Variants in GPC5 observed in about 807,000 individuals in gnomAD.
GPC5 encodes glypican 5.
GPC5 carries 47 observed loss-of-function variants against 53.9 expected under a neutral mutation model. That is an observed-to-expected ratio of 0.87 (90% confidence interval 0.69 to 1.11). The LOEUF (loss-of-function observed/expected upper bound fraction) is 1.11. GPC5 is among the 50% of genes most tolerant of loss of function. The pLI is 0.00. For synonymous variants in GPC5, 286 were observed against 263.3 expected (o/e 1.09, Z -0.84); for missense variants, 748 against 713.1 (o/e 1.05, Z -0.56).
chr13:92,390,431 A>G (rs1487087184), intron 7 of GPC5, among the ~76,000 whole-genome samples: 2 of 152,108 alleles, frequency 1.3e-5, no homozygotes, highest in African/African-American at 4.8e-5. Flanking sequence ...TACAAAGATA[A>G]ACAATGAACC....
At chr13:91,950,288 T>C (rs900990704) in intron 6 of GPC5, among the ~76,000 whole-genome samples, 2 of 136,616 alleles carry the variant, frequency 1.5e-5, no homozygotes, top group African/African-American at 5.2e-5. Context: ...TTTTTTTTCA[T>C]GAATTAGCAT....
At position 92,866,385 on chromosome 13, in the gene GPC5, A is replaced by T; in HGVS notation, c.1665A>T (p.Glu555Asp). ...GAGCAGGATGTGCAGTGGCGACTGAATCTATGACATTCACTCTGATAAGTG... is the reference window on the plus strand; with the variant it reads ...GAGCAGGATGTGCAGTGGCGACTGATTCTATGACATTCACTCTGATAAGTG... ...TTGAGCAVATESMTFTLISVV... is the reference protein window; with the variant it reads ...TTGAGCAVATDSMTFTLISVV... Residue 555 changes from glutamate to aspartate, a missense_variant, in exon 8 of 8, where the codon GAA (glutamate) becomes GAT (aspartate). Transcript: ENST00000377067. The T allele has an allele frequency of 6.2e-7, 1 of 1,612,388 alleles. No individual in the cohort carries two copies. Among genetic ancestry groups the T allele is most frequent in the Non-Finnish European group, 8.5e-7 (1 of 1,178,986 alleles).
intron 7 of GPC5, among the ~76,000 whole-genome samples, chr13:92,191,124 G>A (rs1248472672): frequency 6.6e-6 from 1 of 151,958 alleles, no homozygotes; most frequent in Admixed American, 6.6e-5. Flanking sequence ...ATAAAAAAGG[G>A]GCATTATATA....
At chr13:92,777,675 T>G (rs1181351646) in intron 7 of GPC5, among the ~76,000 whole-genome samples, 1 of 152,212 alleles carries the variant, frequency 6.6e-6, no homozygotes, top group Admixed American at 6.5e-5. Flanking sequence ...ATTTGGTAAA[T>G]GCCTTCAAAT....
At chr13:92,111,633 G>T (rs1412723036) in intron 6 of GPC5, among the ~76,000 whole-genome samples, 1 of 151,572 alleles carries the variant, frequency 6.6e-6, no homozygotes, top group Non-Finnish European at 1.5e-5. Flanking sequence ...GCTATAGCAA[G>T]GTGCTACACA....
intron 7 of GPC5, among the ~76,000 whole-genome samples, chr13:92,569,328 A>G (rs553129720): frequency 3.2e-4 from 49 of 152,128 alleles, no homozygotes; most frequent in African/African-American, 1.0e-3. Context: ...AAAGGAGGAA[A>G]TTTAGGCTTA....
intron 6 of GPC5, among the ~76,000 whole-genome samples, chr13:91,962,668 T>C (rs1208790813): frequency 2.0e-5 from 3 of 152,144 alleles, no homozygotes; most frequent in Non-Finnish European, 4.4e-5. Flanking sequence ...TCAGTAGTTG[T>C]AGCTATAACC....
intron 5 of GPC5, among the ~76,000 whole-genome samples, chr13:91,904,989 T>C (rs1373771103): frequency 6.6e-6 from 1 of 152,038 alleles, no homozygotes; most frequent in Non-Finnish European, 1.5e-5. Context: ...AAACAGATTT[T>C]AGAGTGAAGC....
chr13:92,015,258 G>A (rs1268447627), intron 6 of GPC5, among the ~76,000 whole-genome samples: 3 of 152,086 alleles, frequency 2.0e-5, no homozygotes, highest in African/African-American at 2.4e-5. Context: ...CAGTAGTGAC[G>A]GATGCTATTT....
chr13:91,519,206 T>C (rs1308902584), intron 2 of GPC5, among the ~76,000 whole-genome samples: 1 of 152,248 alleles, frequency 6.6e-6, no homozygotes, highest in Non-Finnish European at 1.5e-5. Context: ...CCAATCACTG[T>C]ACCTTATGCC....
intron 7 of GPC5, among the ~76,000 whole-genome samples, chr13:92,572,042 G>GA (rs1219807858): frequency 6.6e-6 from 1 of 151,180 alleles, no homozygotes; most frequent in Non-Finnish European, 1.5e-5. Flanking sequence ...CTGGAAAAAA[G>GA]AAAAAAAAGT....
At chr13:92,605,806 A>T (rs1318575524) in intron 7 of GPC5, among the ~76,000 whole-genome samples, 1 of 151,684 alleles carries the variant, frequency 6.6e-6, no homozygotes, top group African/African-American at 2.4e-5. Context: ...CAAGGGAAAA[A>T]AAAAGTTTGC....
intron 6 of GPC5, among the ~76,000 whole-genome samples, chr13:91,951,563 C>A (rs1016301324): frequency 6.6e-6 from 1 of 152,022 alleles, no homozygotes; most frequent in Non-Finnish European, 1.5e-5. Flanking sequence ...CTTCTGAATA[C>A]CTAAATAGAA....
At chr13:92,819,516 G>C (rs1428615337) in intron 7 of GPC5, among the ~76,000 whole-genome samples, 1 of 152,168 alleles carries the variant, frequency 6.6e-6, no homozygotes. Flanking sequence ...GGTTTGACTA[G>C]ATGAACTGTA....
chr13:92,525,856 A>G lies in GPC5; in HGVS notation c.1562-340426A>G, dbSNP rs114696191. 1.2e-3 allele frequency among the ~76,000 whole-genome samples: 190 copies of G among 152,202 alleles called. 1 individual carries two copies. Among genetic ancestry groups the G allele is most frequent in the African/African-American group, 4.3e-3 (177 of 41,550 alleles). On this transcript the variant is annotated intron_variant, in intron 7 of 7. Coordinates refer to ENST00000377067, the MANE Select transcript of GPC5 (RefSeq NM_004466.6). ...GCTATATACTCCTCTGTATCTAATCAAAAGAATTTCCCTTATCAACTCCTT... is the reference window on the plus strand; with the variant it reads ...GCTATATACTCCTCTGTATCTAATCGAAAGAATTTCCCTTATCAACTCCTT...
At chr13:91,597,132 G>A (rs1186192751) in intron 2 of GPC5, among the ~76,000 whole-genome samples, 1 of 152,016 alleles carries the variant, frequency 6.6e-6, no homozygotes, top group Admixed American at 6.6e-5. Context: ...CCAGCTTCAA[G>A]GATCACTGTC....
chr13:92,210,674 T>TA (rs977480823), intron 7 of GPC5, among the ~76,000 whole-genome samples: 1 of 152,220 alleles, frequency 6.6e-6, no homozygotes, highest in African/African-American at 2.4e-5. Context: ...ATAGATGAGT[T>TA]AAAATCTGTA....
chr13:92,314,377 C>T (rs1033519139), intron 7 of GPC5, among the ~76,000 whole-genome samples: 1 of 152,112 alleles, frequency 6.6e-6, no homozygotes, highest in Non-Finnish European at 1.5e-5. Context: ...ATTAGTCACA[C>T]CCCAAAGAGA....
chr13:92,546,601 T>C (rs1882123733), intron 7 of GPC5, among the ~76,000 whole-genome samples: 1 of 152,120 alleles, frequency 6.6e-6, no homozygotes, highest in Non-Finnish European at 1.5e-5. Flanking sequence ...TCCAAGGTAA[T>C]TTATAGATTC....
Sources: allele counts gnomAD v4.1 joint callset (sites outside exome capture counted in the v4.1 genomes callset), GRCh38; gene constraint gnomAD v4.1.1; transcripts MANE v1.5; gene names NCBI Gene and HGNC (gene_info 2026-07-23, HGNC 2026-07-21).